The following TM9SF2 variants were observed in gnomAD, a reference collection of about 807,000 sequenced individuals.
TM9SF2 encodes transmembrane 9 superfamily member 2.
A neutral mutation model predicts 84.9 loss-of-function variants in TM9SF2; 13 were observed. The observed-to-expected ratio is 0.15, with a 90% CI of 0.10 to 0.24. The LOEUF is 0.24. TM9SF2 is among the 10% of genes least tolerant of loss of function. TM9SF2 has a pLI of 1.00. For missense variants in TM9SF2, 562 were observed against 818.5 expected, an observed-to-expected ratio of 0.69 and a Z score of 3.82; for synonymous variants, 273 against 285.8, an observed-to-expected ratio of 0.96 and a Z score of 0.45.
At chr13:99,516,405 A>T (rs1380054780) in intron 1 of TM9SF2, among the ~76,000 whole-genome samples, 1 of 152,148 alleles carries the variant, frequency 6.6e-6, no homozygotes, top group Non-Finnish European at 1.5e-5. Context: ...TACAGCTCTA[A>T]CTCTATAAAA....
intron 7 of TM9SF2, 104 bp from the exon 8 acceptor site, chr13:99,540,610 A>G (rs927951615): frequency 1.3e-6 from 1 of 758,700 alleles, no homozygotes; most frequent in Non-Finnish European, 2.1e-6. Flanking sequence ...TAGAAATTGC[A>G]GTTGTTGACT....
At chr13:99,508,938 CCTT>C (rs1774866327) in intron 1 of TM9SF2, among the ~76,000 whole-genome samples, 1 of 152,092 alleles carries the variant, frequency 6.6e-6, no homozygotes, top group African/African-American at 2.4e-5. Context: ...AATCTCATGT[CCTT>C]CTTATATTGC....
At chr13:99,529,268 A>T (rs1044529971) in intron 3 of TM9SF2, among the ~76,000 whole-genome samples, 199 bp from the exon 4 acceptor site, 3 of 152,250 alleles carry the variant, frequency 2.0e-5, no homozygotes, top group African/African-American at 7.2e-5. Flanking sequence ...GGAAAACTTG[A>T]TGACGAGTCT....
rs766960226 is a variant in TM9SF2 at position 99,557,370 on chromosome 13, ATTTG to A, written c.1752+1729_1752+1732del. ...ATTCAAGTCCTTTGCCTATTTTTAA[ATTTG>A]TTTGTCTTTTTGTTGAGTTGTAAGA... On this transcript the variant is annotated intron_variant, in intron 15 of 16. Transcript: ENST00000376387. Among the ~76,000 whole-genome samples the A allele has an allele frequency of 1.4e-3, 215 of 152,194 alleles. 1 individual carries two copies. The highest frequency in any genetic ancestry group is 2.4e-3 in the Non-Finnish European group (163 of 68,002).
At chr13:99,509,036 T>C (rs774379108) in intron 1 of TM9SF2, among the ~76,000 whole-genome samples, 5 of 152,212 alleles carry the variant, frequency 3.3e-5, no homozygotes, top group South Asian at 2.1e-4. Flanking sequence ...CCAAGTCTCA[T>C]TTGAGACAAG....
chr13:99,508,722 G>A (rs1159688983), intron 1 of TM9SF2, among the ~76,000 whole-genome samples: 1 of 152,096 alleles, frequency 6.6e-6, no homozygotes, highest in Non-Finnish European at 1.5e-5. Flanking sequence ...AGGAGTGAAA[G>A]AGTTTTCTGT....
chr13:99,507,417 G>A (rs2046093414), intron 1 of TM9SF2, among the ~76,000 whole-genome samples: 1 of 152,212 alleles, frequency 6.6e-6, no homozygotes, highest in Non-Finnish European at 1.5e-5. Context: ...AGGCTAGAGT[G>A]CAGTGGTGCA....
At chr13:99,525,157 C>T (rs1341378032) in intron 3 of TM9SF2, among the ~76,000 whole-genome samples, 1 of 152,152 alleles carries the variant, frequency 6.6e-6, no homozygotes, top group East Asian at 1.9e-4. Flanking sequence ...GACACATCTA[C>T]AACTGTCTTG....
At chr13:99,547,559 C>T (rs1250359459) in intron 11 of TM9SF2, among the ~76,000 whole-genome samples, 1 of 152,136 alleles carries the variant, frequency 6.6e-6, no homozygotes, top group African/African-American at 2.4e-5. Context: ...TATAAAAATA[C>T]ACTGTTTCAA....
At chr13:99,555,764 TTG>T in intron 15 of TM9SF2, 117 bp downstream of exon 15, 3 of 582,044 alleles carry the variant, frequency 5.2e-6, no homozygotes, top group Non-Finnish European at 8.7e-6. Flanking sequence ...ATGATAGACA[TTG>T]ACCTGTATTC....
chr13:99,559,615 C>A, intron 16 of TM9SF2, 81 bp downstream of exon 16: 1 of 1,311,808 alleles, frequency 7.6e-7, no homozygotes, highest in Non-Finnish European at 1.0e-6. Flanking sequence ...TTTTTTAAAA[C>A]CCATGAAGGC....
intron 1 of TM9SF2, among the ~76,000 whole-genome samples, chr13:99,510,796 G>A (rs148803800): frequency 1.3e-5 from 2 of 152,284 alleles, no homozygotes; most frequent in African/African-American, 4.8e-5. Flanking sequence ...AAACACATGC[G>A]TTGTGTTTCC....
rs563643231 is a variant in TM9SF2 at position 99,563,738 on chromosome 13, C to T, written c.*980C>T. On this transcript the variant is annotated 3_prime_UTR_variant, in exon 17 of 17. Transcript: ENST00000376387. ...TCAGGTTTTATTACCTGGACATTAG[C>T]AATCACTAGCAAGTCTTCATCTTTA... The T allele has an allele frequency of 6.6e-6, 1 of 152,302 alleles. No individual in the cohort carries two copies. Among genetic ancestry groups the T allele is most frequent in the East Asian group, 1.9e-4 (1 of 5,188 alleles). The allele number at this position is 152,302 out of a possible 1,614,324, so 9.4% of individuals were successfully genotyped here. A position where few individuals can be genotyped will look rare whatever the true frequency, so the allele number is the denominator to read the frequency against.
intron 2 of TM9SF2, among the ~76,000 whole-genome samples, 156 bp downstream of exon 2, chr13:99,517,837 T>A (rs766180474): frequency 1.4e-4 from 15 of 104,142 alleles, no homozygotes; most frequent in Non-Finnish European, 2.3e-4. Flanking sequence ...ATCTTTTTTT[T>A]AATGTTTCTT....
intron 2 of TM9SF2, 82 bp downstream of exon 2, chr13:99,517,763 A>T: frequency 1.1e-6 from 1 of 869,832 alleles, no homozygotes. Flanking sequence ...GTTTTCTCAC[A>T]GTTATGGACA....
At chr13:99,528,967 A>T (rs889417258) in intron 3 of TM9SF2, among the ~76,000 whole-genome samples, 12 of 152,212 alleles carry the variant, frequency 7.9e-5, no homozygotes, top group Admixed American at 7.9e-4. Context: ...AGTCATGTTT[A>T]GCCTGATTTT....
chr13:99,541,860 A>G lies in TM9SF2; in HGVS notation c.1017+193A>G, dbSNP rs117331132. On this transcript the variant is annotated intron_variant, in intron 9 of 16. Transcript: ENST00000376387. ...ATAAGAAAGTGATACTTAAGAATTAATATTCTTGGCTGGGCGCGGTGGCTC... is the reference window on the plus strand; with the variant it reads ...ATAAGAAAGTGATACTTAAGAATTAGTATTCTTGGCTGGGCGCGGTGGCTC... 2.5e-3 allele frequency: 1,017 copies of G among 414,552 alleles called. 5 individuals carry two copies. Among genetic ancestry groups the G allele is most frequent in the Non-Finnish European group, 2.7e-3 (631 of 230,600 alleles). The allele number at this position is 414,552 out of a possible 1,614,324, so 25.7% of individuals were successfully genotyped here. A position where few individuals can be genotyped will look rare whatever the true frequency, so the allele number is the denominator to read the frequency against.
intron 1 of TM9SF2, 61 bp from the exon 2 acceptor site, chr13:99,517,553 C>G: frequency 9.1e-7 from 1 of 1,096,300 alleles, no homozygotes; most frequent in Non-Finnish European, 1.3e-6. Flanking sequence ...TAATTCTAAG[C>G]ATGACTTAAG....
At chr13:99,545,725 C>A (rs1212188379) in intron 10 of TM9SF2, among the ~76,000 whole-genome samples, 1 of 152,062 alleles carries the variant, frequency 6.6e-6, no homozygotes, top group Non-Finnish European at 1.5e-5. Flanking sequence ...TGCCACCACG[C>A]CTGGCTGATT....
Sources: allele counts gnomAD v4.1 joint callset (sites outside exome capture counted in the v4.1 genomes callset), GRCh38; gene constraint gnomAD v4.1.1; transcripts MANE v1.5; gene names NCBI Gene and HGNC (gene_info 2026-07-23, HGNC 2026-07-21).